Variants in ZNF234 observed in about 807,000 individuals in gnomAD.
ZNF234 encodes the protein C2-H2 type zinc finger protein.
ZNF234 carries 4 observed loss-of-function variants against 10.3 expected under a neutral mutation model. The observed-to-expected ratio is 0.39, with a 90% confidence interval of 0.19 to 0.89. The LOEUF is 0.89. ZNF234 is among the 40% of genes least tolerant of loss of function. The pLI is 0.38. For synonymous variants in ZNF234, 258 were observed against 280.1 expected (o/e 0.92, Z 0.79); for missense variants, 711 against 836.1 (o/e 0.85, Z 1.85).
At chr19:44,145,877 T>C (rs1447071169) in intron 3 of ZNF234, among the ~76,000 whole-genome samples, 1 of 152,230 alleles carries the variant, frequency 6.6e-6, no homozygotes, top group Admixed American at 6.5e-5. Flanking sequence ...TTGACCAAAG[T>C]AGTAGGTAAT....
Position 44,156,396 on chromosome 19 carries a change from A to C in ZNF234, c.380A>C (p.Gln127Pro). ...SMISISRFPR[Q>P]GDLSCQVRAG... ...ATAAGTATTTCTCGGTTCCCCAGACAAGGTGATTTGTCCTGCCAGGTTAGG... is the reference window on the plus strand; with the variant it reads ...ATAAGTATTTCTCGGTTCCCCAGACCAGGTGATTTGTCCTGCCAGGTTAGG... The change falls in exon 6 of 6, where the codon CAA becomes CCA. Residue 127 changes from glutamine to proline, a missense_variant. Coordinates refer to ENST00000426739, the MANE Select transcript of ZNF234 (RefSeq NM_006630.3). The C allele has an allele frequency of 1.9e-6, 3 of 1,613,644 alleles. No individual in the cohort carries two copies. The highest frequency in any genetic ancestry group is 2.5e-6 in the Non-Finnish European group (3 of 1,179,746).
intron 4 of ZNF234, among the ~76,000 whole-genome samples, chr19:44,149,367 G>C (rs553106257): frequency 1.3e-5 from 2 of 152,244 alleles, no homozygotes; most frequent in Non-Finnish European, 1.5e-5. Context: ...AGAATCGCTT[G>C]AATCCAGGAG....
chr19:44,150,478 A>G lies in ZNF234; in HGVS notation c.208A>G (p.Thr70Ala). Residue 70 changes from threonine (T) to alanine (A), a missense_variant, in exon 5 of 6, where the codon ACA becomes GCA. Transcript: ENST00000426739. ...EKEKKLDIMK[T>A]ATQRKGKSAD... The stretch of plus-strand genomic sequence containing the variant: ...GGAAAAAAAGCTTGATATAATGAAG[A>G]CAGCAACTCAAAGAAAAGGGAAATC... 1 of 1,585,698 alleles carries G rather than the reference A, an allele frequency of 6.3e-7. No homozygotes were observed.
At chr19:44,153,314 G>T (rs1010735253) in intron 5 of ZNF234, among the ~76,000 whole-genome samples, 2 of 151,350 alleles carry the variant, frequency 1.3e-5, no homozygotes, top group Admixed American at 1.3e-4. Context: ...CAAAGTTTTT[G>T]AGCTCTTTTG....
Position 44,156,942 on chromosome 19 carries a change from T to C in ZNF234, c.926T>C (p.Val309Ala), listed in dbSNP as rs780526251. The C allele has an allele frequency of 2.1e-5, 34 of 1,614,054 alleles. No individual in the cohort carries two copies. Among genetic ancestry groups the C allele is most frequent in the Non-Finnish European group, 2.5e-5 (30 of 1,180,038 alleles). Reference protein sequence around the residue: ...RRSALNNHCMVHTGEKPYKCE... With the variant: ...RRSALNNHCMAHTGEKPYKCE... The stretch of plus-strand genomic sequence containing the variant: ...TCAGCACTTAATAATCATTGCATGG[T>C]CCACACAGGAGAGAAACCATACAAA... Residue 309 changes from valine (V) to alanine (A), a missense_variant, in exon 6 of 6, where the codon GTC (valine) becomes GCC (alanine). Transcript: ENST00000426739.
intron 3 of ZNF234, among the ~76,000 whole-genome samples, chr19:44,146,350 C>G (rs1968590309): frequency 6.6e-6 from 1 of 152,198 alleles, no homozygotes; most frequent in East Asian, 1.9e-4. Context: ...AATGAGATGG[C>G]TGGGTCAAAT....
rs1293533054 is a variant in ZNF234, at chr19:44,159,479, G to A, written c.*1360G>A. The A allele has an allele frequency of 6.0e-6, 2 of 332,166 alleles. No homozygotes were observed. The highest frequency in any genetic ancestry group is 2.1e-5 in the African/African-American group (1 of 46,938). The allele number at this position is 332,166 out of a possible 1,614,324, so 20.6% of individuals were successfully genotyped here. On this transcript the variant is annotated 3_prime_UTR_variant, in exon 6 of 6. Transcript: ENST00000426739. ...GTAAGCCACCACACCCGGCCAAGTT[G>A]AAGTATATTTTGTGATTTTTCTGAC... is the stretch of plus-strand genomic sequence containing the variant.
chr19:44,147,978 T>C (rs530494889), intron 3 of ZNF234, among the ~76,000 whole-genome samples: 1 of 152,342 alleles, frequency 6.6e-6, no homozygotes, highest in South Asian at 2.1e-4. Flanking sequence ...TAGATGCAGA[T>C]TTCAGTTCCC....
In ZNF234 at chr19:44,158,244, C is replaced by A; in HGVS notation, c.*125C>A. 1 of 1,112,044 alleles carries A rather than the reference C, an allele frequency of 9.0e-7. No individual in the cohort carries two copies. The highest frequency in any genetic ancestry group is 1.3e-6 in the Non-Finnish European group (1 of 746,702). The allele number at this position is 1,112,044 out of a possible 1,614,324, so 68.9% of individuals were successfully genotyped here. A position where few individuals can be genotyped will look rare whatever the true frequency, so the allele number is the denominator to read the frequency against. ...GATTTGTAACGCTCCACATTTCCAC[C>A]TAGACTTTTTTTTGTTTTTTATTTT... On this transcript the variant is annotated 3_prime_UTR_variant, in exon 6 of 6. Transcript: ENST00000426739.
In ZNF234 at chr19:44,156,787, G is replaced by C; in HGVS notation, c.771G>C (p.Glu257Asp). The C allele has an allele frequency of 6.2e-7, 1 of 1,609,480 alleles. No homozygotes were observed. Among genetic ancestry groups the C allele is most frequent in the Non-Finnish European group, 8.5e-7 (1 of 1,176,576 alleles). The change falls in exon 6 of 6, where the codon GAG (glutamate) becomes GAC (aspartate). Residue 257 changes from glutamate (E) to aspartate (D), a missense_variant. By Grantham distance (45) the Glu-to-Asp change is conservative. Coordinates refer to ENST00000426739, the MANE Select transcript of ZNF234 (RefSeq NM_006630.3). ...TACATTGCAAATTACACTCAGGAGA[G>C]AAACCTTACAATTGTGAGGAATGTG... The part of the protein sequence containing the change: ...LTVHCKLHSG[E>D]KPYNCEECGR...
chr19:44,157,082 C>G lies in ZNF234; in HGVS notation c.1066C>G (p.Pro356Ala). The G allele has an allele frequency of 6.2e-7, 1 of 1,613,920 alleles. No individual in the cohort carries two copies. ...AGAATGTGGTAAGTGCTTTATTCAG[C>G]CTTCACAATTTCAGGCCCATCGGAG... ...CEECGKCFIQ[P>A]SQFQAHRRIH... Residue 356 changes from proline (P) to alanine (A), a missense_variant, in exon 6 of 6, where the codon CCT becomes GCT. Transcript: ENST00000426739.
At chr19:44,149,487 C>G (rs1321913929) in intron 4 of ZNF234, among the ~76,000 whole-genome samples, 1 of 152,020 alleles carries the variant, frequency 6.6e-6, no homozygotes, top group Non-Finnish European at 1.5e-5. Flanking sequence ...TTTAGTAATG[C>G]ACCAAGATGT....
Position 44,156,851 on chromosome 19 carries a change from C to T in ZNF234, c.835C>T (p.Gln279Ter), listed in dbSNP as rs770061113. Residue 279 changes from glutamine to a stop codon, truncating the protein, a stop_gained, in exon 6 of 6, where the codon CAG (glutamine) becomes TAG (stop). Coordinates refer to ENST00000426739, the MANE Select transcript of ZNF234 (RefSeq NM_006630.3). LOFTEE classifies it low-confidence loss of function (END_TRUNC). ...FIHASHLQEH[Q>*]RIHTGEKPFK... ...ACATGCTTCCCATCTTCAGGAACAT[C>T]AGAGAATTCATACTGGGGAGAAACC... 1.2e-6 allele frequency: 2 copies of T among 1,609,916 alleles called. No homozygotes were observed. Among genetic ancestry groups the T allele is most frequent in the Admixed American group, 3.3e-5 (2 of 59,882 alleles).
chr19:44,150,639 C>G (rs184064949), intron 5 of ZNF234, 134 bp downstream of exon 5: 1 of 626,928 alleles, frequency 1.6e-6, no homozygotes, highest in Admixed American at 2.9e-5. Flanking sequence ...TCGTACTGGG[C>G]GCACTGCATC....
In ZNF234 at chr19:44,156,547, A is replaced by G. The variant is rs758585485; in HGVS notation, c.531A>G (p.Thr177=). Residue 177 remains threonine, a synonymous_variant, in exon 6 of 6, where the codon ACA becomes ACG. Transcript: ENST00000426739. ...TACACTCAGGAGAGAAGTCTCATAC[A>G]TGTGATGAGTGTGGAAAAAGCTTCT... ...QQLHSGEKSH[T]CDECGKSFCY... 4 of 1,614,000 alleles carry G rather than the reference A, an allele frequency of 2.5e-6. No homozygotes were observed. Among genetic ancestry groups the G allele is most frequent in the Non-Finnish European group, 3.4e-6 (4 of 1,180,010 alleles).
In ZNF234 at chr19:44,157,972, C is replaced by T. The variant is rs747748194; in HGVS notation, c.1956C>T (p.Tyr652=). 1 of 1,613,912 alleles carries T rather than the reference C, an allele frequency of 6.2e-7. No homozygotes were observed. Among genetic ancestry groups the T allele is most frequent in the Non-Finnish European group, 8.5e-7 (1 of 1,179,892 alleles). ...GAGTTCACACTGGGGAAAAACCTTACAAATGTGAGATATGTGGTAAGAGGT... is the reference window on the plus strand; with the variant it reads ...GAGTTCACACTGGGGAAAAACCTTATAAATGTGAGATATGTGGTAAGAGGT... ...HRRVHTGEKP[Y]KCEICGKRFS... Residue 652 remains tyrosine, a synonymous_variant, in exon 6 of 6, where the codon TAC becomes TAT. Transcript: ENST00000426739.
Position 44,156,834 on chromosome 19 carries a change from C to G in ZNF234, c.818C>G (p.Ser273Cys), listed in dbSNP as rs747499776. ...EECGRAFIHASHLQEHQRIHT... is the reference protein window; with the variant it reads ...EECGRAFIHACHLQEHQRIHT... ...TGTGGAAGGGCCTTCATACATGCTT[C>G]CCATCTTCAGGAACATCAGAGAATT... is the stretch of plus-strand genomic sequence containing the variant. The change falls in exon 6 of 6, where the codon TCC (serine) becomes TGC (cysteine). Residue 273 changes from serine to cysteine, a missense_variant. Ser to Cys is a moderately radical substitution (Grantham distance 112, BLOSUM62 -1). Transcript: ENST00000426739. 6.8e-6 allele frequency: 11 copies of G among 1,609,746 alleles called. No homozygotes were observed. The South Asian group carries it at 1.1e-4, about 16-fold the overall frequency.
chr19:44,147,323 A>C (rs545835876), intron 3 of ZNF234, among the ~76,000 whole-genome samples: 1 of 151,160 alleles, frequency 6.6e-6, no homozygotes, highest in Admixed American at 6.6e-5. Flanking sequence ...CACAACCTTG[A>C]TTACCTGGGC....
intron 5 of ZNF234, among the ~76,000 whole-genome samples, chr19:44,154,157 C>T (rs1480291017): frequency 6.6e-6 from 1 of 152,158 alleles, no homozygotes; most frequent in Non-Finnish European, 1.5e-5. Flanking sequence ...ACCCACAAGA[C>T]GTGAGGAACC....
Sources: gnomAD v4.1 joint callset for allele counts (sites outside exome capture counted in the v4.1 genomes callset) on GRCh38, gnomAD v4.1.1 for gene constraint, MANE v1.5 for transcripts, NCBI Gene and HGNC (gene_info 2026-07-23, HGNC 2026-07-21) for gene names.